Variants in OCA2 observed in about 807,000 individuals in gnomAD.
The protein encoded by OCA2 is P protein.
In OCA2, 77 loss-of-function variants were observed where a neutral mutation model predicts 100.2. The ratio of observed to expected loss-of-function variants is 0.77; its 90% CI spans 0.64 to 0.93. The LOEUF is 0.93. Among genes scored for constraint, OCA2 ranks in the 40% least tolerant of loss-of-function variants. The pLI, the probability that OCA2 is intolerant of heterozygous loss-of-function variation, is 0.00. For synonymous variants in OCA2, 432 were observed against 439.2 expected (o/e 0.98, Z 0.21); for missense variants, 1,062 against 1,089.1 (o/e 0.98, Z 0.35).
chr15:28,045,536 G>C (rs1198696628), intron 2 of OCA2, among the ~76,000 whole-genome samples: 1 of 150,278 alleles, frequency 6.7e-6, no homozygotes, highest in African/African-American at 2.5e-5. Flanking sequence ...AGTGTTTCTG[G>C]TACCCTCCAT....
At chr15:27,911,337 C>T (rs2038388223) in intron 19 of OCA2, among the ~76,000 whole-genome samples, 1 of 152,082 alleles carries the variant, frequency 6.6e-6, no homozygotes, top group Non-Finnish European at 1.5e-5. Flanking sequence ...AGGAGGATTC[C>T]TTGAGCCTGG....
chr15:28,003,203 T>A lies in OCA2; in HGVS notation c.1044+11573A>T, dbSNP rs191122510. Among the ~76,000 whole-genome samples the A allele has an allele frequency of 7.5e-3, 1,140 of 152,358 alleles. 18 individuals carry two copies. The highest frequency in any genetic ancestry group is 0.027 in the African/African-American group (1,105 of 41,590). On this transcript the variant is annotated intron_variant, in intron 9 of 23. Coordinates refer to ENST00000354638, the MANE Select transcript of OCA2 (RefSeq NM_000275.3). Reference sequence around the variant, plus strand: ...ATTCCTATTGTATATGGAAAAGCTTTCTGCTCAGAAGCTATAGAAGCTTAG... The same window carrying A: ...ATTCCTATTGTATATGGAAAAGCTTACTGCTCAGAAGCTATAGAAGCTTAG...
At chr15:27,745,851 C>T in the OCA2 span, among the ~76,000 whole-genome samples, 7 of 152,342 alleles carry the variant, frequency 4.6e-5, no homozygotes, top group Middle Eastern at 6.8e-3. Flanking sequence ...CATTCCAGGT[C>T]TTTAGATAAT....
intron 9 of OCA2, among the ~76,000 whole-genome samples, chr15:28,003,341 C>T (rs915490156): frequency 8.5e-5 from 13 of 152,266 alleles, no homozygotes; most frequent in Admixed American, 7.8e-4. Flanking sequence ...GCTGCTTTCG[C>T]GTGACTGTAT....
intron 21 of OCA2, among the ~76,000 whole-genome samples, chr15:27,866,742 C>T (rs899659123): frequency 3.3e-5 from 5 of 152,170 alleles, no homozygotes; most frequent in African/African-American, 9.7e-5. Context: ...GAGGAGAAAG[C>T]GCTGAGGTAG....
At chr15:27,947,510 G>T (rs562994441) in intron 18 of OCA2, among the ~76,000 whole-genome samples, 1 of 152,154 alleles carries the variant, frequency 6.6e-6, no homozygotes, top group African/African-American at 2.4e-5. Flanking sequence ...AGCCAGCTCC[G>T]TGTGGCCCGA....
chr15:27,960,933 A>G (rs1210369000), intron 15 of OCA2, among the ~76,000 whole-genome samples: 1 of 152,050 alleles, frequency 6.6e-6, no homozygotes, highest in Admixed American at 6.6e-5. Flanking sequence ...AATGGTAACA[A>G]AAGCCAAAAT....
chr15:27,811,389 T>TA lies in OCA2; in HGVS notation c.2432+33569dup, dbSNP rs559135439. On this transcript the variant is annotated intron_variant, in intron 23 of 23. Coordinates refer to ENST00000354638, the MANE Select transcript of OCA2 (RefSeq NM_000275.3). Reference sequence around the variant, plus strand: ...GGAAGGGTGAGAGGGAGGTGTGACATAAAAAATTACATATTGGGTACAATG... The same window carrying TA: ...GGAAGGGTGAGAGGGAGGTGTGACATAAAAAAATTACATATTGGGTACAATG... Among the ~76,000 whole-genome samples the TA allele has an allele frequency of 4.1e-3, 629 of 152,116 alleles. 3 individuals carry two copies. The highest frequency in any genetic ancestry group is 7.0e-3 in the Non-Finnish European group (477 of 67,976).
chr15:27,735,457 A>G, the OCA2 span, among the ~76,000 whole-genome samples: 1 of 152,174 alleles, frequency 6.6e-6, no homozygotes, highest in Non-Finnish European at 1.5e-5. Context: ...AAGAAATAAT[A>G]GCGGAAAACT....
intron 23 of OCA2, among the ~76,000 whole-genome samples, chr15:27,778,557 G>A (rs2032369335): frequency 6.6e-6 from 1 of 151,760 alleles, no homozygotes; most frequent in Non-Finnish European, 1.5e-5. Context: ...AAGCTATAAC[G>A]TTCTGCTTAT....
intron 19 of OCA2, among the ~76,000 whole-genome samples, chr15:27,890,125 T>C (rs905106471): frequency 4.6e-5 from 7 of 152,194 alleles, no homozygotes; most frequent in Admixed American, 4.6e-4. Flanking sequence ...GGCAAATCAA[T>C]AGAATTCACC....
intron 18 of OCA2, chr15:27,950,524 G>C: frequency 1.9e-6 from 1 of 518,386 alleles, no homozygotes. Flanking sequence ...TCTCAGGTGT[G>C]GATAAATAAT....
chr15:27,954,770 C>G (rs2040162277), intron 17 of OCA2, among the ~76,000 whole-genome samples: 1 of 152,178 alleles, frequency 6.6e-6, no homozygotes, highest in South Asian at 2.1e-4. Flanking sequence ...ACTCACGCAT[C>G]CTATGTCTGC....
rs533552531 is a variant in OCA2, at chr15:27,770,291, A to G, written c.2433-14819T>C. Among the ~76,000 whole-genome samples the G allele has an allele frequency of 1.2e-4, 18 of 152,176 alleles. No homozygotes were observed. In the South Asian group the frequency reaches 3.3e-3, roughly 28 times the overall value. The stretch of plus-strand genomic sequence containing the variant: ...TGGTCGCGCGCGGGGCCACGGAGAC[A>G]CTGCGCGGACCCCAAGCCGGGAGGG... On this transcript the variant is annotated intron_variant, in intron 23 of 23. Transcript: ENST00000354638.
At chr15:27,854,830 G>A (rs894283306) in intron 21 of OCA2, among the ~76,000 whole-genome samples, 1 of 152,042 alleles carries the variant, frequency 6.6e-6, no homozygotes, top group Non-Finnish European at 1.5e-5. Flanking sequence ...TACAGAACAC[G>A]GCACGCCACC....
intron 19 of OCA2, among the ~76,000 whole-genome samples, chr15:27,913,833 A>AG (rs1210250669): frequency 2.2e-4 from 15 of 67,430 alleles, no homozygotes; most frequent in Admixed American, 6.3e-4. Flanking sequence ...AAAGAAAGAA[A>AG]GAAAGGAAAG....
At chr15:27,753,818 G>A (rs112283338), downstream of OCA2, among the ~76,000 whole-genome samples, 6 of 152,234 alleles carry the variant, frequency 3.9e-5, no homozygotes, top group South Asian at 4.1e-4. Flanking sequence ...AGGCACCAAC[G>A]AGGAGAGGCA....
At chr15:28,048,182 T>A (rs1448358971) in intron 2 of OCA2, among the ~76,000 whole-genome samples, 6 of 152,208 alleles carry the variant, frequency 3.9e-5, no homozygotes, top group African/African-American at 9.6e-5. Flanking sequence ...GTCATTAATA[T>A]TTTAATACTA....
the OCA2 span, among the ~76,000 whole-genome samples, chr15:27,747,443 A>G: frequency 3.3e-5 from 5 of 152,220 alleles, no homozygotes; most frequent in African/African-American, 1.2e-4. Flanking sequence ...TTCAGCCAAC[A>G]GTTTCAAGAT....
Sources: allele counts gnomAD v4.1 joint callset (sites outside exome capture counted in the v4.1 genomes callset), GRCh38; gene constraint gnomAD v4.1.1; transcripts MANE v1.5; gene names NCBI Gene and HGNC (gene_info 2026-07-23, HGNC 2026-07-21).